The following TOMM40L variants were observed in gnomAD, a reference collection of about 807,000 sequenced individuals.
The protein encoded by TOMM40L is mitochondrial import receptor subunit TOM40B.
A neutral mutation model predicts 38.3 loss-of-function variants in TOMM40L; 17 were observed. The ratio of observed to expected loss-of-function variants is 0.44; its 90% CI spans 0.30 to 0.67. The LOEUF (loss-of-function observed/expected upper bound fraction) is 0.67. Among genes scored for constraint, TOMM40L ranks in the 30% least tolerant of loss-of-function variants. The pLI is 0.08. For synonymous variants in TOMM40L, 151 were observed against 150.2 expected, an observed-to-expected ratio of 1.01 and a Z score of -0.04; for missense variants, 294 against 390.0, an observed-to-expected ratio of 0.75 and a Z score of 2.07.
Position 161,229,109 on chromosome 1 carries a change from C to G in TOMM40L, c.*14C>G. On this transcript the variant is annotated 3_prime_UTR_variant, in exon 10 of 10. Transcript: ENST00000367988. ...ACTGTGGGCTGAGGTTGTCCAGAGC[C>G]AGCCCCCACAGCAGCTGGAACCTCT... is the stretch of plus-strand genomic sequence containing the variant. 1 of 1,614,152 alleles carries G rather than the reference C, an allele frequency of 6.2e-7. No individual in the cohort carries two copies. Among genetic ancestry groups the G allele is most frequent in the Non-Finnish European group, 8.5e-7 (1 of 1,180,008 alleles).
rs770166590 is a variant in TOMM40L at position 161,226,973 on chromosome 1, G to A, written c.183+18G>A. 5.6e-6 allele frequency: 9 copies of A among 1,613,834 alleles called. No individual in the cohort carries two copies. In the East Asian group the frequency reaches 2.0e-4, roughly 36 times the overall value. On this transcript the variant is annotated intron_variant, in intron 3 of 9. Transcript: ENST00000367988. ...ATTTCCAGGTGCTCCCACTTCTCTG[G>A]CCCCTCCTTACTATTCCCCCTTTCC...
At chr1:161,226,680 G>T in intron 2 of TOMM40L, 76 bp downstream of exon 2, 2 of 1,467,040 alleles carry the variant, frequency 1.4e-6, no homozygotes, top group South Asian at 1.2e-5. Flanking sequence ...GATGTCCGGC[G>T]ATGGGAGCAG....
At position 161,229,978 on chromosome 1, in the gene TOMM40L, T is replaced by C. The variant is rs745601476; in HGVS notation, c.*883T>C. The C allele has an allele frequency of 3.7e-5, 60 of 1,606,378 alleles. 1 individual carries two copies. The highest frequency in any genetic ancestry group is 4.5e-5 in the East Asian group (2 of 44,848). On this transcript the variant is annotated 3_prime_UTR_variant, in exon 10 of 10. Coordinates refer to ENST00000367988, the MANE Select transcript of TOMM40L (RefSeq NM_032174.6). ...GGAAAACAGGAGGGAAATAAGGCAG[T>C]TGGGAGTCTTGTCTCTAGGCCCTGA...
chr1:161,229,254 GC>G lies in TOMM40L; in HGVS notation c.*161del. 9.9e-7 allele frequency: 1 copy of G among 1,011,564 alleles called. No individual in the cohort carries two copies. Among genetic ancestry groups the G allele is most frequent in the Non-Finnish European group, 1.4e-6 (1 of 702,730 alleles). 62.7% of individuals were successfully genotyped at this position (1,011,564 alleles called of 1,614,324 possible). On this transcript the variant is annotated 3_prime_UTR_variant, in exon 10 of 10. Transcript: ENST00000367988. Reference sequence around the variant, plus strand: ...CCATGCCCTCCTCAGAACTGGAGCTGCCACAGGGGCAGTTGATGAGGCAGAG... The same window carrying G: ...CCATGCCCTCCTCAGAACTGGAGCTGCACAGGGGCAGTTGATGAGGCAGAG...
Position 161,229,628 on chromosome 1 carries a change from G to T in TOMM40L, c.*533G>T. 6.2e-7 allele frequency: 1 copy of T among 1,610,390 alleles called. No homozygotes were observed. Among genetic ancestry groups the T allele is most frequent in the Non-Finnish European group, 8.5e-7 (1 of 1,178,602 alleles). ...TCCAGAGAACAACTTTGTTCCTATG[G>T]TCACCCCCACTATCCCCATGACCGC... On this transcript the variant is annotated 3_prime_UTR_variant, in exon 10 of 10. Coordinates refer to ENST00000367988, the MANE Select transcript of TOMM40L (RefSeq NM_032174.6).
Position 161,230,311 on chromosome 1 carries a change from C to T in TOMM40L, c.*1216C>T, listed in dbSNP as rs985781241. On this transcript the variant is annotated 3_prime_UTR_variant, in exon 10 of 10. Coordinates refer to ENST00000367988, the MANE Select transcript of TOMM40L (RefSeq NM_032174.6). ...CTGGCCAAACTAGCTCTTGGAGGAACGAGCAAAACAGAAGCGGTGCATACC... is the reference window on the plus strand; with the variant it reads ...CTGGCCAAACTAGCTCTTGGAGGAATGAGCAAAACAGAAGCGGTGCATACC... The T allele has an allele frequency of 6.3e-5, 18 of 285,816 alleles. No homozygotes were observed. The highest frequency in any genetic ancestry group is 1.5e-4 in the Admixed American group (3 of 20,506). The allele number at this position is 285,816 out of a possible 1,614,324, so 17.7% of individuals were successfully genotyped here.
chr1:161,226,592 C>T lies in TOMM40L; in HGVS notation c.103C>T (p.Arg35Cys), dbSNP rs780951080. 1 of 1,613,928 alleles carries T rather than the reference C, an allele frequency of 6.2e-7. No homozygotes were observed. The highest frequency in any genetic ancestry group is 8.5e-7 in the Non-Finnish European group (1 of 1,179,926). The part of the protein sequence containing the change: ...PNPGSFDELH[R>C]LCKDVFPAQM... ...CCCTGGGAGCTTCGATGAGCTGCACCGTCTATGCAAAGGTGAGAACTTGGC... is the reference window on the plus strand; with the variant it reads ...CCCTGGGAGCTTCGATGAGCTGCACTGTCTATGCAAAGGTGAGAACTTGGC... Residue 35 changes from arginine to cysteine, a missense_variant, in exon 2 of 10, where the codon CGT becomes TGT. By Grantham distance (180) the Arg-to-Cys change is radical. Transcript: ENST00000367988.
chr1:161,228,948 C>G lies in TOMM40L; in HGVS notation c.788-8C>G. The G allele has an allele frequency of 6.2e-7, 1 of 1,614,188 alleles. No individual in the cohort carries two copies. The highest frequency in any genetic ancestry group is 8.5e-7 in the Non-Finnish European group (1 of 1,180,034). ...AAATAATCTAGTGGGTATTCTCTCCCCCAACAGGCTTGGTGGATAGTAACT... is the reference window on the plus strand; with the variant it reads ...AAATAATCTAGTGGGTATTCTCTCCGCCAACAGGCTTGGTGGATAGTAACT... On this transcript the variant is annotated splice_region_variant and splice_polypyrimidine_tract_variant and intron_variant, in intron 9 of 9. Transcript: ENST00000367988.
At chr1:161,228,843 C>T (rs748580883) in intron 9 of TOMM40L, 26 bp downstream of exon 9, 72 of 1,613,820 alleles carry the variant, frequency 4.5e-5, no homozygotes, top group Non-Finnish European at 5.7e-5. Flanking sequence ...AGACATTTGG[C>T]TATCCTGAGG....
chr1:161,227,276 A>T lies in TOMM40L; in HGVS notation c.202A>T (p.Met68Leu). ...TCCTCAGGTGGCGCACACTATACACATGAGTGCCCTGGGCTTGCCGGGATA... is the reference window on the plus strand; with the variant it reads ...TCCTCAGGTGGCGCACACTATACACTTGAGTGCCCTGGGCTTGCCGGGATA... ...SHFQVAHTIH[M>L]SALGLPGYHL... The change falls in exon 4 of 10, where the codon ATG becomes TTG. Residue 68 changes from methionine to leucine, a missense_variant. Transcript: ENST00000367988. 1.9e-6 allele frequency: 3 copies of T among 1,614,102 alleles called. No individual in the cohort carries two copies. The South Asian group carries it at 3.3e-5, about 18-fold the overall frequency.
At chr1:161,227,096 C>A in intron 3 of TOMM40L, 141 bp downstream of exon 3, 3 of 1,205,024 alleles carry the variant, frequency 2.5e-6, no homozygotes, top group South Asian at 1.4e-5. Context: ...TACCTCCGTG[C>A]CTGTGGGACT....
Position 161,228,232 on chromosome 1 carries a change from G to T in TOMM40L, c.531G>T (p.Val177=). The T allele has an allele frequency of 6.2e-7, 1 of 1,607,410 alleles. No individual in the cohort carries two copies. Among genetic ancestry groups the T allele is most frequent in the Non-Finnish European group, 8.5e-7 (1 of 1,176,098 alleles). The change falls in exon 7 of 10, where the codon GTG becomes GTT. Residue 177 remains valine, a synonymous_variant. Coordinates refer to ENST00000367988, the MANE Select transcript of TOMM40L (RefSeq NM_032174.6). ...HFLQSLTHRL[V]LGGELVYHRR... is the part of the protein sequence containing the mutation. Reference sequence around the variant, plus strand: ...TGCAGAGCCTCACTCATCGGCTGGTGCTGGGAGGAGAGCTAGTTTATCACC... The same window carrying T: ...TGCAGAGCCTCACTCATCGGCTGGTTCTGGGAGGAGAGCTAGTTTATCACC...
chr1:161,227,634 A>C lies in TOMM40L; in HGVS notation c.277-2A>C. On this transcript the variant is annotated splice_acceptor_variant, in intron 4 of 9. Coordinates refer to ENST00000367988, the MANE Select transcript of TOMM40L (RefSeq NM_032174.6). LOFTEE classifies it high-confidence loss of function. ...CTTACTACTGTGTACACCCTTCCAC[A>C]GGTGTTCCCCACTGTGGTAGGGGAT... 1 of 1,612,812 alleles carries C rather than the reference A, an allele frequency of 6.2e-7. No individual in the cohort carries two copies. Among genetic ancestry groups the C allele is most frequent in the Non-Finnish European group, 8.5e-7 (1 of 1,179,396 alleles).
Position 161,230,109 on chromosome 1 carries a change from T to G in TOMM40L, c.*1014T>G. ...CCAAAGGTCCTCCAGGGGGCCTCGGTCTGACACTGTCTTCTCTCACCATGC... is the reference window on the plus strand; with the variant it reads ...CCAAAGGTCCTCCAGGGGGCCTCGGGCTGACACTGTCTTCTCTCACCATGC... On this transcript the variant is annotated 3_prime_UTR_variant, in exon 10 of 10. Transcript: ENST00000367988. 3.2e-6 allele frequency: 2 copies of G among 634,476 alleles called. No individual in the cohort carries two copies. The highest frequency in any genetic ancestry group is 5.3e-6 in the Non-Finnish European group (2 of 374,470). The allele number at this position is 634,476 out of a possible 1,614,324, so 39.3% of individuals were successfully genotyped here. A position where few individuals can be genotyped will look rare whatever the true frequency, so the allele number is the denominator to read the frequency against.
In TOMM40L at chr1:161,227,155, G is replaced by T. The variant is rs536020577; in HGVS notation, c.184-103G>T. 5.5e-6 allele frequency: 7 copies of T among 1,278,052 alleles called. No individual in the cohort carries two copies. In the East Asian group the frequency reaches 1.6e-4, roughly 30 times the overall value. 79.2% of individuals were successfully genotyped at this position (1,278,052 alleles called of 1,614,324 possible). ...TCTCTGTATATGTTGGAATATTTAG[G>T]ATTCTTGAGAGGCCCTCTGGATGGG... On this transcript the variant is annotated intron_variant, in intron 3 of 9. Transcript: ENST00000367988.
chr1:161,227,575 T>A (rs1021386162), intron 4 of TOMM40L, 61 bp from the exon 5 acceptor site: 1 of 1,421,898 alleles, frequency 7.0e-7, no homozygotes, highest in Non-Finnish European at 9.8e-7. Context: ...GTTCTATATT[T>A]GGGTTTAGGC....
At chr1:161,226,167 T>G in intron 1 of TOMM40L, 31 bp downstream of exon 1, 1 of 270,762 alleles carries the variant, frequency 3.7e-6, no homozygotes, top group Non-Finnish European at 7.1e-6. Context: ...GCGGGCCTGG[T>G]CTTGGGGCCT....
rs2307416 is a variant in TOMM40L at position 161,229,711 on chromosome 1, C to G, written c.*616C>G. 6.2e-7 allele frequency: 1 copy of G among 1,614,190 alleles called. No homozygotes were observed. Among genetic ancestry groups the G allele is most frequent in the African/African-American group, 1.3e-5 (1 of 75,062 alleles). On this transcript the variant is annotated 3_prime_UTR_variant, in exon 10 of 10. Coordinates refer to ENST00000367988, the MANE Select transcript of TOMM40L (RefSeq NM_032174.6). ...TGCAACCACTGGGCTCCCTTTGAACCCGGCCCAATCTTTGGTCCCAGCATT... is the reference window on the plus strand; with the variant it reads ...TGCAACCACTGGGCTCCCTTTGAACGCGGCCCAATCTTTGGTCCCAGCATT...
chr1:161,228,428 C>T lies in TOMM40L; in HGVS notation c.608C>T (p.Ala203Val). The change falls in exon 8 of 10, where the codon GCT (alanine) becomes GTT (valine). Residue 203 changes from alanine (A) to valine (V), a missense_variant and splice_region_variant. Physicochemically the swap from Ala to Val is moderately conservative, Grantham distance 64 (BLOSUM62 0). Transcript: ENST00000367988. Reference protein sequence around the residue: ...AILTLAGKYSAVHWVATLNVG... With the variant: ...AILTLAGKYSVVHWVATLNVG... ...CCCCTCTGTACTTTGGATTTTACAGCTGTACACTGGGTAGCTACATTGAAT... is the reference window on the plus strand; with the variant it reads ...CCCCTCTGTACTTTGGATTTTACAGTTGTACACTGGGTAGCTACATTGAAT... 1.2e-6 allele frequency: 2 copies of T among 1,614,034 alleles called. No homozygotes were observed. The highest frequency in any genetic ancestry group is 1.7e-6 in the Non-Finnish European group (2 of 1,179,970).
Sources: allele counts gnomAD v4.1 joint callset, GRCh38; gene constraint gnomAD v4.1.1; transcripts MANE v1.5; gene names NCBI Gene and HGNC (gene_info 2026-07-23, HGNC 2026-07-21).